The following FAM222B variants were observed in gnomAD, a reference collection of about 807,000 sequenced individuals.
FAM222B encodes family with sequence similarity 222 member B.
FAM222B carries 12 observed loss-of-function variants against 38.0 expected under a neutral mutation model. The observed-to-expected ratio is 0.32, with a 90% CI of 0.20 to 0.51. FAM222B has a LOEUF of 0.51. FAM222B is among the 20% of genes least tolerant of loss of function. The pLI is 0.97. For synonymous variants in FAM222B, 329 were observed against 317.2 expected (o/e 1.04, Z -0.40); for missense variants, 716 against 754.2 (o/e 0.95, Z 0.59).
chr17:28,777,195 T>TA (rs956393351), intron 1 of FAM222B: 1 of 152,206 alleles, frequency 6.6e-6, no homozygotes, highest in African/African-American at 2.4e-5. Flanking sequence ...ACTCTAGACT[T>TA]ACTCTCCTGA....
rs1367044504 is a variant in FAM222B at position 28,756,162 on chromosome 17, C to G, written c.*2108G>C. Reference sequence around the variant, plus strand: ...AGGGAGTGTGGAGAGGAGGCCCTGGCTTGGACCCTTATTGCTGGCTGGGGG... The same window carrying G: ...AGGGAGTGTGGAGAGGAGGCCCTGGGTTGGACCCTTATTGCTGGCTGGGGG... On this transcript the variant is annotated 3_prime_UTR_variant, in exon 3 of 3. Transcript: ENST00000581407. The G allele has an allele frequency of 2.0e-5, 3 of 152,832 alleles. No homozygotes were observed. The highest frequency in any genetic ancestry group is 6.6e-5 in the Admixed American group (1 of 15,252). The allele number at this position is 152,832 out of a possible 1,614,324, so 9.5% of individuals were successfully genotyped here.
chr17:28,831,928 G>A (rs905505655), intron 1 of FAM222B, among the ~76,000 whole-genome samples: 2 of 152,106 alleles, frequency 1.3e-5, no homozygotes, highest in Non-Finnish European at 2.9e-5. Context: ...AGTGGCTCAC[G>A]CCTGTAATCC....
chr17:28,846,525 C>T (rs765457799), upstream of FAM222B, among the ~76,000 whole-genome samples: 21 of 151,484 alleles, frequency 1.4e-4, 1 homozygote, highest in Admixed American at 4.6e-4. Context: ...AAAAATTAGC[C>T]GGGTGTGGTG....
chr17:28,828,927 C>T (rs963996759), intron 1 of FAM222B, among the ~76,000 whole-genome samples: 5 of 151,450 alleles, frequency 3.3e-5, no homozygotes, highest in Admixed American at 6.6e-5. Context: ...TTAATTGAGA[C>T]GGAGTCTCGC....
chr17:28,792,780 CAAAA>C (rs71135854), intron 1 of FAM222B, among the ~76,000 whole-genome samples: 19 of 122,852 alleles, frequency 1.5e-4, no homozygotes, highest in South Asian at 5.0e-4. Context: ...GGCCCTATTT[CAAAA>C]AAAAAAAAAA....
intron 1 of FAM222B, among the ~76,000 whole-genome samples, chr17:28,831,269 C>T (rs2038658499): frequency 6.6e-6 from 1 of 152,132 alleles, no homozygotes; most frequent in African/African-American, 2.4e-5. Flanking sequence ...GCTGGGATTA[C>T]AGGCATAAGC....
intron 1 of FAM222B, among the ~76,000 whole-genome samples, chr17:28,842,206 C>T (rs1451696546): frequency 6.6e-6 from 1 of 152,160 alleles, no homozygotes; most frequent in Non-Finnish European, 1.5e-5. Flanking sequence ...CTGCCTGACT[C>T]TAAGCCCCTA....
intron 1 of FAM222B, among the ~76,000 whole-genome samples, chr17:28,816,431 G>T (rs576642198): frequency 7.2e-5 from 11 of 152,030 alleles, no homozygotes; most frequent in African/African-American, 2.7e-4. Flanking sequence ...ATAGATGGAA[G>T]AGATCAATAG....
Position 28,758,107 on chromosome 17 carries a change from G to T in FAM222B, c.*163C>A, listed in dbSNP as rs2034796318. ...AAAGTTGCTGGAGGGGAGGACGAGA[G>T]GACCCCTTCTGTCCCCACTTAGATC... is the stretch of plus-strand genomic sequence containing the variant. On this transcript the variant is annotated 3_prime_UTR_variant, in exon 3 of 3. Transcript: ENST00000581407. 1 of 617,300 alleles carries T rather than the reference G, an allele frequency of 1.6e-6. No individual in the cohort carries two copies. The highest frequency in any genetic ancestry group is 2.7e-6 in the Non-Finnish European group (1 of 376,574). The allele number at this position is 617,300 out of a possible 1,614,324, so 38.2% of individuals were successfully genotyped here.
intron 1 of FAM222B, among the ~76,000 whole-genome samples, chr17:28,771,525 C>CA (rs1048715007): frequency 6.6e-6 from 1 of 151,276 alleles, no homozygotes; most frequent in Non-Finnish European, 1.5e-5. Context: ...ACTCAAAATA[C>CA]AAAAAATTAG....
rs140020334 is a variant in FAM222B at position 28,762,839 on chromosome 17, C to G, written c.83-2963G>C. 3.6e-3 allele frequency among the ~76,000 whole-genome samples: 541 copies of G among 149,336 alleles called. 6 individuals carry two copies. The highest frequency in any genetic ancestry group is 0.02 in the East Asian group (99 of 5,018). On this transcript the variant is annotated intron_variant, in intron 2 of 2. Coordinates refer to ENST00000581407, the MANE Select transcript of FAM222B (RefSeq NM_001077498.3). ...CCTGTAATCCCAGCTACTCGGGAGG[C>G]TGAGGCAAAGAATTGCTTAAACCCG...
At chr17:28,828,632 A>C (rs1403338437) in intron 1 of FAM222B, among the ~76,000 whole-genome samples, 1 of 152,140 alleles carries the variant, frequency 6.6e-6, no homozygotes, top group Non-Finnish European at 1.5e-5. Flanking sequence ...AAGGATTTAA[A>C]TTTTCTAGAC....
intron 1 of FAM222B, among the ~76,000 whole-genome samples, chr17:28,800,074 C>A (rs990768179): frequency 6.6e-6 from 1 of 151,670 alleles, no homozygotes; most frequent in Non-Finnish European, 1.5e-5. Context: ...TCTTGTTGCC[C>A]ATGCTGGAGT....
chr17:28,804,222 G>A (rs1266330089), intron 1 of FAM222B, among the ~76,000 whole-genome samples: 1 of 152,028 alleles, frequency 6.6e-6, no homozygotes, highest in African/African-American at 2.4e-5. Context: ...CCTGGTTCTC[G>A]GGCTTGCAGA....
At chr17:28,842,842 G>T (rs2039099020), upstream of FAM222B, 1 of 152,476 alleles carries the variant, frequency 6.6e-6, no homozygotes, top group Admixed American at 6.5e-5. Context: ...GGCCCTTTCG[G>T]GCCGCACGCG....
chr17:28,789,673 AGGGCCTACTCTTG>A (rs2036578949), intron 1 of FAM222B, among the ~76,000 whole-genome samples: 1 of 152,218 alleles, frequency 6.6e-6, no homozygotes, highest in African/African-American at 2.4e-5. Flanking sequence ...GAGCCCCAAC[AGGGCCTACTCTTG>A]GTTTCTAAAT....
chr17:28,760,993 A>G (rs1343586889), intron 2 of FAM222B, among the ~76,000 whole-genome samples: 1 of 152,234 alleles, frequency 6.6e-6, no homozygotes, highest in African/African-American at 2.4e-5. Context: ...GGAATTGAGA[A>G]GAAAGGATTC....
rs550027479 is a variant in FAM222B at position 28,814,096 on chromosome 17, T to C, written c.-41+28586A>G. Among the ~76,000 whole-genome samples, 194 of 151,076 alleles carry C rather than the reference T, an allele frequency of 1.3e-3. 1 individual carries two copies. The highest frequency in any genetic ancestry group is 5.0e-3 in the South Asian group (24 of 4,794). ...TAGCTAGGCGTGGTAACTCGCACGG[T>C]AGTCCCAGCTACTTGGCAGAGTACA... On this transcript the variant is annotated intron_variant, in intron 1 of 2. Coordinates refer to ENST00000581407, the MANE Select transcript of FAM222B (RefSeq NM_001077498.3).
At chr17:28,799,053 C>A (rs1235082922) in intron 1 of FAM222B, among the ~76,000 whole-genome samples, 1 of 151,624 alleles carries the variant, frequency 6.6e-6, no homozygotes. Flanking sequence ...CGGCTCACTG[C>A]AACCTCCGCC....
Sources: allele counts gnomAD v4.1 joint callset (sites outside exome capture counted in the v4.1 genomes callset), GRCh38; gene constraint gnomAD v4.1.1; transcripts MANE v1.5; gene names NCBI Gene and HGNC (gene_info 2026-07-23, HGNC 2026-07-21).